LMO3: variants seen among roughly 807,000 people sequenced by gnomAD.
LMO3 encodes the protein LIM domain only protein 3.
LMO3 carries 2 observed loss-of-function variants against 15.8 expected under a neutral mutation model. That is an observed-to-expected ratio of 0.13 (90% CI 0.05 to 0.40). The LOEUF (loss-of-function observed/expected upper bound fraction) is 0.40, where lower values mean the gene tolerates loss of function less well. Among genes scored for constraint, LMO3 ranks in the 10% least tolerant of loss-of-function variants. The pLI, the probability that LMO3 is intolerant of heterozygous loss-of-function variation, is 0.99. For missense variants in LMO3, 86 were observed against 182.2 expected (o/e 0.47, Z 3.04); for synonymous variants, 62 against 63.8 (o/e 0.97, Z 0.13).
intron 2 of LMO3, among the ~76,000 whole-genome samples, chr12:16,575,178 TC>T (rs1393068270): frequency 2.0e-5 from 3 of 152,138 alleles, no homozygotes; most frequent in African/African-American, 7.2e-5. Context: ...TATAAAAAGC[TC>T]CCTATTCTCT....
intron 2 of LMO3, among the ~76,000 whole-genome samples, chr12:16,578,937 AAAAAG>A (rs1490701408): frequency 6.6e-6 from 1 of 152,150 alleles, no homozygotes; most frequent in African/African-American, 2.4e-5. Context: ...CACTTGAAAT[AAAAAG>A]AAAAGAAAAA....
At chr12:16,600,599 AC>A in intron 2 of LMO3, 55 bp downstream of exon 2, 1 of 1,462,108 alleles carries the variant, frequency 6.8e-7, no homozygotes. Context: ...AAATACACTT[AC>A]AAAAGTACTT....
rs879289893 is a variant in LMO3 at position 16,560,347 on chromosome 12, T to A, written c.332+66A>T. ...TAAATGTATGAATATAATTTCCACC[T>A]ATTAAATAAATAGCCAGCACAGAGA... On this transcript the variant is annotated intron_variant, in intron 3 of 3. Transcript: ENST00000537304. The surrounding 1 kb of genome is among the most constrained non-coding windows in gnomAD (Gnocchi z 5.0). The A allele has an allele frequency of 4.3e-5, 65 of 1,506,172 alleles. No individual in the cohort carries two copies. Among genetic ancestry groups the A allele is most frequent in the Non-Finnish European group, 5.8e-5 (65 of 1,112,308 alleles). 93.3% of individuals were successfully genotyped at this position (1,506,172 alleles called of 1,614,324 possible). A position where few individuals can be genotyped will look rare whatever the true frequency, so the allele number is the denominator to read the frequency against.
At position 16,596,291 on chromosome 12, in the gene LMO3, A is replaced by T. The variant is rs1943655653; in HGVS notation, c.206+4364T>A. ...GAAGCATGAAGCATCACTCTTTCCC[A>T]GTAGTTTCATTTTAAACAAATCATC... On this transcript the variant is annotated intron_variant, in intron 2 of 3. Coordinates refer to ENST00000537304, the MANE Select transcript of LMO3 (RefSeq NM_018640.5). This position sits in a 1 kb window ranked among gnomAD's most constrained non-coding sequence, Gnocchi z 4.3. Among the ~76,000 whole-genome samples the T allele has an allele frequency of 6.6e-6, 1 of 151,640 alleles. No individual in the cohort carries two copies. The highest frequency in any genetic ancestry group is 2.4e-5 in the African/African-American group (1 of 41,410).
At chr12:16,575,697 A>G (rs1942971881) in intron 2 of LMO3, among the ~76,000 whole-genome samples, 1 of 152,186 alleles carries the variant, frequency 6.6e-6, no homozygotes. Context: ...TGAGCCATTT[A>G]GGATTTCCCC....
rs1943717919 is a variant in LMO3 at position 16,598,241 on chromosome 12, A to G, written c.206+2414T>C. ...AAATACCACATCTGCGGCATAATCTATAACACGTAACACAGTGTTTTACAC... is the reference window on the plus strand; with the variant it reads ...AAATACCACATCTGCGGCATAATCTGTAACACGTAACACAGTGTTTTACAC... On this transcript the variant is annotated intron_variant, in intron 2 of 3. Coordinates refer to ENST00000537304, the MANE Select transcript of LMO3 (RefSeq NM_018640.5). The surrounding 1 kb of genome is among the most constrained non-coding windows in gnomAD (Gnocchi z 4.3). 1 of 152,136 alleles carries G rather than the reference A, an allele frequency of 6.6e-6. No homozygotes were observed. Among genetic ancestry groups the G allele is most frequent in the Non-Finnish European group, 1.5e-5 (1 of 67,978 alleles). The allele number at this position is 152,136 out of a possible 1,614,324, so 9.4% of individuals were successfully genotyped here.
At chr12:16,605,518 A>G in intron 1 of LMO3, 2 of 347,334 alleles carry the variant, frequency 5.8e-6, no homozygotes, top group Non-Finnish European at 4.2e-6. Flanking sequence ...GGCTGCGTGG[A>G]GAGAGGCAGA....
chr12:16,594,131 G>A, intron 2 of LMO3: 2 of 1,531,900 alleles, frequency 1.3e-6, no homozygotes, highest in Non-Finnish European at 1.7e-6. Context: ...AAGTTTTAAA[G>A]CTTACCAAGC....
rs1335472915 is a variant in LMO3, at chr12:16,576,576, A to G, written c.207-16038T>C. Among the ~76,000 whole-genome samples the G allele has an allele frequency of 6.6e-6, 1 of 152,212 alleles. No individual in the cohort carries two copies. The highest frequency in any genetic ancestry group is 1.5e-5 in the Non-Finnish European group (1 of 68,036). On this transcript the variant is annotated intron_variant, in intron 2 of 3. Coordinates refer to ENST00000537304, the MANE Select transcript of LMO3 (RefSeq NM_018640.5). This position sits in a 1 kb window ranked among gnomAD's most constrained non-coding sequence, Gnocchi z 4.1. Reference sequence around the variant, plus strand: ...TACTACTTCATCTTTCAGAATCTGTATCAGTTACGTACCTGTTTGTCTCTT... The same window carrying G: ...TACTACTTCATCTTTCAGAATCTGTGTCAGTTACGTACCTGTTTGTCTCTT...
intron 1 of LMO3, among the ~76,000 whole-genome samples, chr12:16,602,950 G>T: frequency 6.6e-6 from 1 of 151,084 alleles, no homozygotes. Flanking sequence ...AATTTGTAAG[G>T]CTATTATTTT....
rs754790945 is a variant in LMO3, at chr12:16,586,311, C to T, written c.206+14344G>A. ...TAAGATGTCATGATACGATGAAGTC[C>T]ACATACGGAACAACTAAGAAACAAC... is the stretch of plus-strand genomic sequence containing the variant. On this transcript the variant is annotated intron_variant, in intron 2 of 3. Coordinates refer to ENST00000537304, the MANE Select transcript of LMO3 (RefSeq NM_018640.5). The surrounding 1 kb of genome is among the most constrained non-coding windows in gnomAD (Gnocchi z 4.3). Among the ~76,000 whole-genome samples the T allele has an allele frequency of 2.6e-5, 4 of 152,098 alleles. No homozygotes were observed. Among genetic ancestry groups the T allele is most frequent in the Admixed American group, 6.6e-5 (1 of 15,256 alleles).
At position 16,576,343 on chromosome 12, in the gene LMO3, A is replaced by G. The variant is rs543704444; in HGVS notation, c.207-15805T>C. On this transcript the variant is annotated intron_variant, in intron 2 of 3. Transcript: ENST00000537304. The surrounding 1 kb of genome is among the most constrained non-coding windows in gnomAD (Gnocchi z 4.1). ...GAGCCTCAGCCCCAATGTGCTGTCT[A>G]CTCCCTGGACTCAGCATCTACTTTC... 4.0e-5 allele frequency among the ~76,000 whole-genome samples: 6 copies of G among 151,810 alleles called. No homozygotes were observed. In the South Asian group the frequency reaches 1.0e-3, roughly 26 times the overall value.
intron 2 of LMO3, chr12:16,594,483 C>A (rs951915684): frequency 2.3e-5 from 9 of 390,702 alleles, no homozygotes; most frequent in African/African-American, 1.8e-4. Flanking sequence ...AGCATTTACA[C>A]TTCATATATT....
intron 3 of LMO3, among the ~76,000 whole-genome samples, chr12:16,553,973 A>G (rs986880140): frequency 6.6e-6 from 1 of 151,982 alleles, no homozygotes; most frequent in Non-Finnish European, 1.5e-5. Flanking sequence ...TTGTAATCTG[A>G]CCCTAATTAC....
chr12:16,571,156 G>A (rs1362026367), intron 2 of LMO3, among the ~76,000 whole-genome samples: 2 of 151,978 alleles, frequency 1.3e-5, no homozygotes, highest in South Asian at 2.1e-4. Flanking sequence ...TAAGTAGCAG[G>A]GTTTGGGGCA....
intron 2 of LMO3, among the ~76,000 whole-genome samples, chr12:16,564,638 C>T (rs990896342): frequency 6.6e-6 from 1 of 152,098 alleles, no homozygotes; most frequent in Non-Finnish European, 1.5e-5. Context: ...AATCAAATTC[C>T]TCCAAGCTAT....
intron 2 of LMO3, among the ~76,000 whole-genome samples, chr12:16,580,690 A>T (rs1943134059): frequency 6.6e-6 from 1 of 152,218 alleles, no homozygotes; most frequent in Non-Finnish European, 1.5e-5. Context: ...ATACATGTGC[A>T]TAAATACAGG....
intron 2 of LMO3, among the ~76,000 whole-genome samples, chr12:16,568,692 C>T (rs1040304320): frequency 1.3e-5 from 2 of 152,208 alleles, no homozygotes; most frequent in Non-Finnish European, 2.9e-5. Flanking sequence ...GTTTAAAAAA[C>T]TAATTTCACC....
rs1943272555 is a variant in LMO3, at chr12:16,584,983, G to A, written c.206+15672C>T. Among the ~76,000 whole-genome samples the A allele has an allele frequency of 6.6e-6, 1 of 152,186 alleles. No homozygotes were observed. Among genetic ancestry groups the A allele is most frequent in the African/African-American group, 2.4e-5 (1 of 41,450 alleles). ...CTGACCAAAAAGTTACATACTAGTA[G>A]CTGTGTGCCACATTAGAGTTAGTTG... On this transcript the variant is annotated intron_variant, in intron 2 of 3. Coordinates refer to ENST00000537304, the MANE Select transcript of LMO3 (RefSeq NM_018640.5). This position sits in a 1 kb window ranked among gnomAD's most constrained non-coding sequence, Gnocchi z 5.2.
Sources: gnomAD v4.1 joint callset for allele counts (sites outside exome capture counted in the v4.1 genomes callset) on GRCh38, gnomAD v4.1.1 for gene constraint, Gnocchi (gnomAD v3.1) non-coding constraint, MANE v1.5 for transcripts, NCBI Gene and HGNC (gene_info 2026-07-23, HGNC 2026-07-21) for gene names.